The following LRP2BP variants were observed in gnomAD, a reference collection of about 807,000 sequenced individuals.
LRP2BP encodes LRP2-binding protein.
Under a neutral mutation model 45.2 loss-of-function variants are expected in LRP2BP, and 38 were observed. The ratio of observed to expected loss-of-function variants is 0.84; its 90% confidence interval spans 0.65 to 1.10. LRP2BP has a LOEUF of 1.10. Among genes scored for constraint, LRP2BP ranks in the 50% least tolerant of loss-of-function variants. The pLI, the probability that LRP2BP is intolerant of heterozygous loss-of-function variation, is 0.00. For missense variants in LRP2BP, 385 were observed against 418.9 expected (o/e 0.92, Z 0.71); for synonymous variants, 153 against 153.9 (o/e 0.99, Z 0.04).
At position 185,366,409 on chromosome 4, in the gene LRP2BP, C is replaced by T. The variant is rs2095388247; in HGVS notation, c.*771G>A. 1 of 152,164 alleles carries T rather than the reference C, an allele frequency of 6.6e-6. No homozygotes were observed. Among genetic ancestry groups the T allele is most frequent in the Non-Finnish European group, 1.5e-5 (1 of 68,030 alleles). The allele number at this position is 152,164 out of a possible 1,614,324, so 9.4% of individuals were successfully genotyped here. On this transcript the variant is annotated 3_prime_UTR_variant, in exon 9 of 9. Coordinates refer to ENST00000505916, the MANE Select transcript of LRP2BP (RefSeq NM_001377440.1). The stretch of plus-strand genomic sequence containing the variant: ...AGCAATTGCTTTTTGTTTTATTACA[C>T]ATTCTGCATATGTATGTAGCAGTTG...
Position 185,374,371 on chromosome 4 carries a change from T to C in LRP2BP, c.421A>G (p.Arg141Gly). ...ACACCTTTTCCTTCATAATAAGCTC[T>C]TCCGAGGTTGTAAGCAGCTGCAAAT... Reference protein sequence around the residue: ...LKFAAAYNLGRAYYEGKGVKR... With the variant: ...LKFAAAYNLGGAYYEGKGVKR... The change falls in exon 5 of 9, where the codon AGA (arginine) becomes GGA (glycine). Residue 141 changes from arginine to glycine, a missense_variant. Coordinates refer to ENST00000505916, the MANE Select transcript of LRP2BP (RefSeq NM_001377440.1). 1 of 1,614,202 alleles carries C rather than the reference T, an allele frequency of 6.2e-7. No homozygotes were observed. Among genetic ancestry groups the C allele is most frequent in the Non-Finnish European group, 8.5e-7 (1 of 1,180,016 alleles).
At chr4:185,385,311 T>A (rs1269728289) in intron 1 of LRP2BP, among the ~76,000 whole-genome samples, 4 of 151,976 alleles carry the variant, frequency 2.6e-5, no homozygotes, top group Admixed American at 6.5e-5. Context: ...CGGGATGATT[T>A]ACCCCCGGAG....
chr4:185,376,443 C>CCTT (rs2095437874), intron 3 of LRP2BP, among the ~76,000 whole-genome samples: 1 of 105,824 alleles, frequency 9.4e-6, no homozygotes, highest in African/African-American at 3.9e-5. Context: ...TGCCCAGCTA[C>CCTT]TTTTTTTTTT....
At chr4:185,368,976 TAG>T (rs906550566) in intron 8 of LRP2BP, among the ~76,000 whole-genome samples, 2 of 151,702 alleles carry the variant, frequency 1.3e-5, no homozygotes, top group African/African-American at 4.8e-5. Context: ...GTATTTCTAG[TAG>T]AGATGGGATT....
At chr4:185,385,914 G>GGAGGGGGGTGGC (rs2095470369) in intron 1 of LRP2BP, among the ~76,000 whole-genome samples, 1 of 144,592 alleles carries the variant, frequency 6.9e-6, no homozygotes, top group South Asian at 2.2e-4. Context: ...GAGGGGGGGG[G>GGAGGGGGGTGGC]GGAGATAAAG....
rs894068527 is a variant in LRP2BP, at chr4:185,393,273, G to A, written c.-22+1506C>T. ...TTATTTCACTTGCTTTAGAGCTGAA[G>A]TTTTCTATGGCATTACTAAACATAT... On this transcript the variant is annotated intron_variant, in intron 1 of 8. Coordinates refer to ENST00000505916, the MANE Select transcript of LRP2BP (RefSeq NM_001377440.1). 2.6e-5 allele frequency among the ~76,000 whole-genome samples: 4 copies of A among 152,172 alleles called. No individual in the cohort carries two copies. In the East Asian group the frequency reaches 7.7e-4, roughly 29 times the overall value.
chr4:185,386,089 A>C (rs1411848637), intron 1 of LRP2BP, among the ~76,000 whole-genome samples: 1 of 152,202 alleles, frequency 6.6e-6, no homozygotes, highest in Non-Finnish European at 1.5e-5. Context: ...GAAAAACAAA[A>C]CAAAGAGTCG....
At chr4:185,368,734 G>C (rs2095401840) in intron 8 of LRP2BP, among the ~76,000 whole-genome samples, 1 of 151,936 alleles carries the variant, frequency 6.6e-6, no homozygotes, top group Admixed American at 6.6e-5. Flanking sequence ...CCTAGTTGCA[G>C]AGTAATGGGG....
intron 2 of LRP2BP, 69 bp downstream of exon 2, chr4:185,378,012 T>G (rs1019464474): frequency 5.6e-6 from 7 of 1,245,594 alleles, no homozygotes; most frequent in Middle Eastern, 2.1e-4. Flanking sequence ...TCTTGTCTCG[T>G]TTGCTCTAGC....
intron 8 of LRP2BP, among the ~76,000 whole-genome samples, chr4:185,368,800 T>G (rs919140925): frequency 8.9e-4 from 132 of 148,746 alleles, no homozygotes; most frequent in Middle Eastern, 3.4e-3. Context: ...GTTTTGTTTT[T>G]TTTTTTTTTT....
chr4:185,392,197 A>C (rs980396335), intron 1 of LRP2BP, among the ~76,000 whole-genome samples: 6 of 152,230 alleles, frequency 3.9e-5, no homozygotes, highest in African/African-American at 9.6e-5. Context: ...CCAGGAGGAG[A>C]AATAACAAAA....
Position 185,395,854 on chromosome 4 carries a change from G to A in LRP2BP, c.-1097C>T, listed in dbSNP as rs2095500820. 1.0e-6 allele frequency: 1 copy of A among 985,468 alleles called. No homozygotes were observed. The highest frequency in any genetic ancestry group is 1.2e-6 in the Non-Finnish European group (1 of 829,938). The allele number at this position is 985,468 out of a possible 1,614,324, so 61.0% of individuals were successfully genotyped here. A position where few individuals can be genotyped will look rare whatever the true frequency, so the allele number is the denominator to read the frequency against. On this transcript the variant is annotated 5_prime_UTR_variant, in exon 1 of 9. Coordinates refer to ENST00000505916, the MANE Select transcript of LRP2BP (RefSeq NM_001377440.1). ...AGAAGGGAATCACTAAAAATGTAGG[G>A]GAAAAGAAACACTCGGCTGGAGCTT...
At chr4:185,397,125 T>TG, upstream of LRP2BP, 1 of 1,612,422 alleles carries the variant, frequency 6.2e-7, no homozygotes, top group Middle Eastern at 1.9e-4. Flanking sequence ...GTGGGAAGGG[T>TG]GCTGGATCTG....
intron 2 of LRP2BP, chr4:185,377,725 C>G (rs148651785): frequency 1.6e-3 from 293 of 181,162 alleles, no homozygotes; most frequent in African/African-American, 6.4e-3. Flanking sequence ...GCAACCCATC[C>G]CTAATATAAC....
At chr4:185,389,390 T>G (rs1009080310) in intron 1 of LRP2BP, among the ~76,000 whole-genome samples, 2 of 151,232 alleles carry the variant, frequency 1.3e-5, no homozygotes, top group Non-Finnish European at 2.9e-5. Context: ...TTTGTATTTT[T>G]TAATAGAGAC....
At chr4:185,373,136 G>T in intron 6 of LRP2BP, 57 bp from the exon 7 acceptor site, 1 of 1,458,296 alleles carries the variant, frequency 6.9e-7, no homozygotes, top group South Asian at 1.2e-5. Flanking sequence ...AAATTATAAG[G>T]GAATACTAGA....
chr4:185,378,374 C>T, intron 1 of LRP2BP, 167 bp from the exon 2 acceptor site: 2 of 1,402,936 alleles, frequency 1.4e-6, no homozygotes, highest in Middle Eastern at 1.9e-4. Flanking sequence ...TACTAGGACA[C>T]CAAGACCCTC....
chr4:185,397,142 T>G, upstream of LRP2BP: 1 of 1,613,190 alleles, frequency 6.2e-7, no homozygotes, highest in East Asian at 2.2e-5. Context: ...TCTGTTCTCT[T>G]CCTGCAGGTG....
At chr4:185,373,279 C>T (rs1383420704) in intron 6 of LRP2BP, among the ~76,000 whole-genome samples, 200 bp from the exon 7 acceptor site, 1 of 152,172 alleles carries the variant, frequency 6.6e-6, no homozygotes, top group African/African-American at 2.4e-5. Flanking sequence ...GCTGTCTGTC[C>T]ACAGTGCAGG....
Sources: allele counts gnomAD v4.1 joint callset (sites outside exome capture counted in the v4.1 genomes callset), GRCh38; gene constraint gnomAD v4.1.1; transcripts MANE v1.5; gene names NCBI Gene and HGNC (gene_info 2026-07-23, HGNC 2026-07-21).